Variants in DOK2 observed in about 807,000 individuals in gnomAD.
DOK2 encodes docking protein 2, also known as docking protein 2, 56kD.
In DOK2, 28 loss-of-function variants were observed where a neutral mutation model predicts 26.0. That is an observed-to-expected ratio of 1.08 (90% CI 0.80 to 1.48). The LOEUF is 1.48. Ranked by LOEUF, DOK2 falls within the 40% of genes most tolerant of loss-of-function variation. The pLI is 0.00. For synonymous variants in DOK2, 282 were observed against 236.9 expected (o/e 1.19, Z -1.75); for missense variants, 682 against 558.2 (o/e 1.22, Z -2.23).
intron 3 of DOK2, 48 bp downstream of exon 3, chr8:21,911,853 C>G (rs1178037947): frequency 6.5e-7 from 1 of 1,533,140 alleles, no homozygotes; most frequent in Non-Finnish European, 8.8e-7. Context: ...TCCACCTCAC[C>G]CTGGGGAGAG....
chr8:21,909,976 G>A, intron 4 of DOK2, 45 bp from the exon 5 acceptor site: 1 of 1,527,560 alleles, frequency 6.5e-7, no homozygotes. Context: ...CACAGGGCAG[G>A]GGTGCATTTT....
chr8:21,913,234 G>A (rs999744821), intron 1 of DOK2, among the ~76,000 whole-genome samples: 3 of 152,152 alleles, frequency 2.0e-5, no homozygotes, highest in Non-Finnish European at 2.9e-5. Flanking sequence ...CAAGGTGTCC[G>A]GTGAAAAGAA....
chr8:21,912,312 T>A lies in DOK2; in HGVS notation c.262A>T (p.Thr88Ser). 2 of 1,604,804 alleles carry A rather than the reference T, an allele frequency of 1.2e-6. No homozygotes were observed. The highest frequency in any genetic ancestry group is 1.7e-6 in the Non-Finnish European group (2 of 1,177,294). ...GCCAGGAGGTACAGGCGCTCCTTGG[T>A]CTCCAGGAAGAAGGCACTGGTGTCC... is the stretch of plus-strand genomic sequence containing the variant. The part of the protein sequence containing the change: ...PRDTSAFFLE[T>S]KERLYLLAAP... The change falls in exon 2 of 5, where the codon ACC becomes TCC. Residue 88 changes from threonine to serine, a missense_variant. Thr to Ser is a moderately conservative substitution (Grantham distance 58). Coordinates refer to ENST00000276420, the MANE Select transcript of DOK2 (RefSeq NM_003974.4).
rs1809809875 is a variant in DOK2, at chr8:21,910,770, G to A, written c.521C>T (p.Ala174Val). 1 of 1,613,934 alleles carries A rather than the reference G, an allele frequency of 6.2e-7. No individual in the cohort carries two copies. Among genetic ancestry groups the A allele is most frequent in the Non-Finnish European group, 8.5e-7 (1 of 1,179,964 alleles). ...CHLRGSYTLR[A>V]GESALELWGG... ...CCACAGCTCCAGGGCACTCTCCCCA[G>A]CCCGGAGGGTATAGGACCCCCGCAG... The change falls in exon 4 of 5, where the codon GCT (alanine) becomes GTT (valine). Residue 174 changes from alanine (A) to valine (V), a missense_variant. Physicochemically the swap from Ala to Val is moderately conservative, Grantham distance 64. Transcript: ENST00000276420.
At chr8:21,910,562 T>C (rs1269555793) in intron 4 of DOK2, 111 bp downstream of exon 4, 6 of 1,377,392 alleles carry the variant, frequency 4.4e-6, no homozygotes, top group Admixed American at 2.0e-5. Flanking sequence ...TATTCTTTGC[T>C]TCACTCCATC....
chr8:21,909,387 C>G lies in DOK2; in HGVS notation c.1163G>C (p.Gly388Ala), dbSNP rs1336669734. ...CCAGCCAGAAGCAGAGAAATCCTGC[C>G]CGGCTGGCTGGACATGCTGGAGGCC... ...PAGLQHVQPA[G>A]QDFSASGWQP... The change falls in exon 5 of 5, where the codon GGG (glycine) becomes GCG (alanine). Residue 388 changes from glycine to alanine, a missense_variant. Physicochemically the swap from Gly to Ala is moderately conservative, Grantham distance 60 (BLOSUM62 0). Transcript: ENST00000276420. 1 of 1,596,810 alleles carries G rather than the reference C, an allele frequency of 6.3e-7. No individual in the cohort carries two copies. The highest frequency in any genetic ancestry group is 2.2e-5 in the East Asian group (1 of 44,730).
chr8:21,912,460 C>G lies in DOK2; in HGVS notation c.114G>C (p.Leu38Phe). 6.4e-7 allele frequency: 1 copy of G among 1,564,638 alleles called. No individual in the cohort carries two copies. Among genetic ancestry groups the G allele is most frequent in the South Asian group, 1.2e-5 (1 of 85,800 alleles). Residue 38 changes from leucine (L) to phenylalanine (F), a missense_variant, in exon 2 of 5, where the codon TTG becomes TTC. Coordinates refer to ENST00000276420, the MANE Select transcript of DOK2 (RefSeq NM_003974.4). ...ASLYGGSDCA[L>F]ARLELQEGPE... ...GGCCCTCCTGCAGCTCCAGCCGGGC[C>G]AAGGCGCAGTCCGACCCTCCATACA... is the stretch of plus-strand genomic sequence containing the variant.
chr8:21,910,739 C>T lies in DOK2; in HGVS notation c.552G>A (p.Gly184=), dbSNP rs1809808201. ...CGTACAGCTGGGTCCCTGGCTCGGG[C>T]CCACCCCACAGCTCCAGGGCACTCT... ...AGESALELWG[G]PEPGTQLYDW... Residue 184 remains glycine (G), a synonymous_variant, in exon 4 of 5, where the codon GGG becomes GGA. Coordinates refer to ENST00000276420, the MANE Select transcript of DOK2 (RefSeq NM_003974.4). 2 of 1,613,988 alleles carry T rather than the reference C, an allele frequency of 1.2e-6. No homozygotes were observed. The highest frequency in any genetic ancestry group is 1.3e-5 in the African/African-American group (1 of 75,050).
chr8:21,911,768 G>C (rs953614764), intron 3 of DOK2, 133 bp downstream of exon 3: 11 of 974,264 alleles, frequency 1.1e-5, no homozygotes, highest in East Asian at 2.9e-5. Flanking sequence ...GGCTGATAAC[G>C]GGGCTGGCCC....
In DOK2 at chr8:21,912,526, G is replaced by C; in HGVS notation, c.64-16C>G. 6.7e-7 allele frequency: 1 copy of C among 1,486,766 alleles called. No homozygotes were observed. Among genetic ancestry groups the C allele is most frequent in the Non-Finnish European group, 8.9e-7 (1 of 1,121,494 alleles). 92.1% of individuals were successfully genotyped at this position (1,486,766 alleles called of 1,614,324 possible). ...GGCGCCATTTCTGTGCCAGAGGCGT[G>C]GGAGGCGGGGGCGGGAGGGAGCCAC... On this transcript the variant is annotated splice_polypyrimidine_tract_variant and intron_variant, in intron 1 of 4. Coordinates refer to ENST00000276420, the MANE Select transcript of DOK2 (RefSeq NM_003974.4).
At position 21,909,261 on chromosome 8, in the gene DOK2, A is replaced by C. The variant is rs1180942428; in HGVS notation, c.*50T>G. On this transcript the variant is annotated 3_prime_UTR_variant, in exon 5 of 5. Transcript: ENST00000276420. ...TTCTTCTGATGCAGTGGCCAGGAGG[A>C]GTCACCAGCAGAAGCCAAGGGGCGG... 6.6e-7 allele frequency: 1 copy of C among 1,510,998 alleles called. No individual in the cohort carries two copies. The highest frequency in any genetic ancestry group is 8.8e-7 in the Non-Finnish European group (1 of 1,130,488). 93.6% of individuals were successfully genotyped at this position (1,510,998 alleles called of 1,614,324 possible). A position where few individuals can be genotyped will look rare whatever the true frequency, so the allele number is the denominator to read the frequency against.
chr8:21,911,166 C>G (rs11778596), intron 3 of DOK2: 1 of 373,916 alleles, frequency 2.7e-6, no homozygotes, highest in African/African-American at 2.1e-5. Flanking sequence ...CACCCCATCT[C>G]TCACCCCAAA....
chr8:21,912,688 A>G, intron 1 of DOK2, 178 bp from the exon 2 acceptor site: 2 of 631,800 alleles, frequency 3.2e-6, no homozygotes, highest in East Asian at 3.0e-5. Flanking sequence ...CAGTGACTGC[A>G]GGAATTAGAA....
Position 21,912,292 on chromosome 8 carries a change from G to A in DOK2, c.282C>T (p.Leu94=). 2 of 1,596,842 alleles carry A rather than the reference G, an allele frequency of 1.3e-6. No homozygotes were observed. The highest frequency in any genetic ancestry group is 1.7e-6 in the Non-Finnish European group (2 of 1,174,012). ...CGCGCTCCGCTGCAGGGGCCGCCAG[G>A]AGGTACAGGCGCTCCTTGGTCTCCA... ...FFLETKERLY[L]LAAPAAERGD... is the part of the protein sequence containing the mutation. The change falls in exon 2 of 5, where the codon CTC becomes CTT. Residue 94 remains leucine (L), a synonymous_variant. Transcript: ENST00000276420.
intron 4 of DOK2, 84 bp from the exon 5 acceptor site, chr8:21,910,015 C>T (rs1809777109): frequency 1.4e-6 from 2 of 1,439,544 alleles, no homozygotes; most frequent in African/African-American, 1.4e-5. Context: ...CAGAGTCTCA[C>T]TGTGTCTCCA....
In DOK2 at chr8:21,911,030, C is replaced by G. The variant is rs1000730205; in HGVS notation, c.434-173G>C. Reference sequence around the variant, plus strand: ...CTGAGCTGCTCTGTGCCAGGTCATACTCCCCAAAAGGCCAGGTACCTCCAC... The same window carrying G: ...CTGAGCTGCTCTGTGCCAGGTCATAGTCCCCAAAAGGCCAGGTACCTCCAC... On this transcript the variant is annotated intron_variant, in intron 3 of 4. Coordinates refer to ENST00000276420, the MANE Select transcript of DOK2 (RefSeq NM_003974.4). The G allele has an allele frequency of 7.9e-6, 6 of 762,846 alleles. No individual in the cohort carries two copies. The African/African-American group carries it at 8.8e-5, about 11-fold the overall frequency. 47.3% of individuals were successfully genotyped at this position (762,846 alleles called of 1,614,324 possible).
rs1312884760 is a variant in DOK2, at chr8:21,909,161, A to G, written c.*150T>C. 3 of 900,034 alleles carry G rather than the reference A, an allele frequency of 3.3e-6. No individual in the cohort carries two copies. Among genetic ancestry groups the G allele is most frequent in the Admixed American group, 2.6e-5 (1 of 38,570 alleles). 55.8% of individuals were successfully genotyped at this position (900,034 alleles called of 1,614,324 possible). On this transcript the variant is annotated 3_prime_UTR_variant, in exon 5 of 5. Coordinates refer to ENST00000276420, the MANE Select transcript of DOK2 (RefSeq NM_003974.4). ...GCTTTGGGATGGTGACTCACCCAGCAGGCCCTGGGAGAGGCAATTTATCAG... is the reference window on the plus strand; with the variant it reads ...GCTTTGGGATGGTGACTCACCCAGCGGGCCCTGGGAGAGGCAATTTATCAG...
At position 21,912,210 on chromosome 8, in the gene DOK2, C is replaced by A; in HGVS notation, c.345+19G>T. 6.5e-7 allele frequency: 1 copy of A among 1,529,388 alleles called. No homozygotes were observed. The highest frequency in any genetic ancestry group is 8.8e-7 in the Non-Finnish European group (1 of 1,139,824). The allele number at this position is 1,529,388 out of a possible 1,614,324, so 94.7% of individuals were successfully genotyped here. A position where few individuals can be genotyped will look rare whatever the true frequency, so the allele number is the denominator to read the frequency against. ...GGCCTGCACGCCCCCTTGCCCTTTCCGCACCCCGCGCGACTCACGGGGAAG... is the reference window on the plus strand; with the variant it reads ...GGCCTGCACGCCCCCTTGCCCTTTCAGCACCCCGCGCGACTCACGGGGAAG... On this transcript the variant is annotated intron_variant, in intron 2 of 4. Transcript: ENST00000276420.
Position 21,912,377 on chromosome 8 carries a change from A to T in DOK2, c.197T>A (p.Leu66Gln). 6.2e-7 allele frequency: 1 copy of T among 1,604,798 alleles called. No individual in the cohort carries two copies. The highest frequency in any genetic ancestry group is 1.1e-5 in the South Asian group (1 of 89,618). The change falls in exon 2 of 5, where the codon CTG (leucine) becomes CAG (glutamine). Residue 66 changes from leucine to glutamine, a missense_variant. Physicochemically the swap from Leu to Gln is moderately radical, Grantham distance 113 (BLOSUM62 -2). Coordinates refer to ENST00000276420, the MANE Select transcript of DOK2 (RefSeq NM_003974.4). ...CTCTCCGCCGGCCTCGGCCACCCGCAGGCAGTCACTGAGGCGGATGACCTT... is the reference window on the plus strand; with the variant it reads ...CTCTCCGCCGGCCTCGGCCACCCGCTGGCAGTCACTGAGGCGGATGACCTT... ...ARKVIRLSDCLRVAEAGGEAS... is the reference protein window; with the variant it reads ...ARKVIRLSDCQRVAEAGGEAS...
Sources: allele counts gnomAD v4.1 joint callset (sites outside exome capture counted in the v4.1 genomes callset), GRCh38; gene constraint gnomAD v4.1.1; transcripts MANE v1.5; gene names NCBI Gene and HGNC (gene_info 2026-07-23, HGNC 2026-07-21).